DCLK1: variants seen among roughly 807,000 people sequenced by gnomAD.
DCLK1 encodes doublecortin like kinase 1.
Under a neutral mutation model 86.2 loss-of-function variants are expected in DCLK1, and 16 were observed. The ratio of observed to expected loss-of-function variants is 0.19; its 90% CI spans 0.13 to 0.28. DCLK1 has a LOEUF of 0.28. Among genes scored for constraint, DCLK1 ranks in the 10% least tolerant of loss-of-function variants. The pLI, the probability that DCLK1 is intolerant of heterozygous loss-of-function variation, is 1.00. For synonymous variants in DCLK1, 369 were observed against 370.5 expected, an observed-to-expected ratio of 1.00 and a Z score of 0.05; for missense variants, 590 against 940.2, an observed-to-expected ratio of 0.63 and a Z score of 4.87.
intron 7 of DCLK1, 77 bp downstream of exon 7, chr13:35,839,015 A>G: frequency 7.3e-7 from 1 of 1,365,328 alleles, no homozygotes; most frequent in South Asian, 1.3e-5. Context: ...ATTCCGCTTG[A>G]GAAGCCACAG....
intron 1 of DCLK1, among the ~76,000 whole-genome samples, chr13:36,126,833 A>G (rs1886204878): frequency 6.6e-6 from 1 of 152,206 alleles, no homozygotes; most frequent in Admixed American, 6.5e-5. Flanking sequence ...CAATAGACAC[A>G]ACAACTTTCC....
chr13:36,016,084 A>C (rs2153149379), intron 3 of DCLK1, among the ~76,000 whole-genome samples: 1 of 152,310 alleles, frequency 6.6e-6, no homozygotes. Context: ...TTGCCAAGAA[A>C]TACTGATATA....
chr13:35,918,829 T>C (rs1007528593), intron 4 of DCLK1, among the ~76,000 whole-genome samples: 2 of 151,364 alleles, frequency 1.3e-5, no homozygotes, highest in Non-Finnish European at 2.9e-5. Context: ...ACACAAGTGC[T>C]CCTATTTAAT....
chr13:35,889,745 A>G (rs1873522459), intron 4 of DCLK1, among the ~76,000 whole-genome samples: 2 of 152,082 alleles, frequency 1.3e-5, no homozygotes, highest in South Asian at 4.1e-4. Context: ...TATTTTGACA[A>G]ACCTCTCCTA....
chr13:36,097,396 C>G (rs1331675658), intron 3 of DCLK1, among the ~76,000 whole-genome samples: 1 of 152,132 alleles, frequency 6.6e-6, no homozygotes, highest in African/African-American at 2.4e-5. Context: ...AAGCTGTAAT[C>G]ATTTTTTATT....
chr13:35,982,283 G>C (rs768937833), intron 3 of DCLK1, among the ~76,000 whole-genome samples: 2 of 151,960 alleles, frequency 1.3e-5, no homozygotes, highest in Non-Finnish European at 2.9e-5. Context: ...GGGAGGCCGA[G>C]GCAGGAGGAT....
Position 35,769,499 on chromosome 13 carries a change from C to T in DCLK1, c.*5036G>A, listed in dbSNP as rs2086291589. ...AAGTTATCGAGGATATGACTATAACCTTGGACCAGTTTCAATTTCTTTTTA... is the reference window on the plus strand; with the variant it reads ...AAGTTATCGAGGATATGACTATAACTTTGGACCAGTTTCAATTTCTTTTTA... On this transcript the variant is annotated 3_prime_UTR_variant, in exon 17 of 17. Coordinates refer to ENST00000360631, the MANE Select transcript of DCLK1 (RefSeq NM_001330071.2). The T allele has an allele frequency of 6.6e-6, 1 of 151,944 alleles. No individual in the cohort carries two copies. The highest frequency in any genetic ancestry group is 1.5e-5 in the Non-Finnish European group (1 of 67,982). 9.4% of individuals were successfully genotyped at this position (151,944 alleles called of 1,614,324 possible). A position where few individuals can be genotyped will look rare whatever the true frequency, so the allele number is the denominator to read the frequency against.
intron 4 of DCLK1, among the ~76,000 whole-genome samples, chr13:35,918,680 G>A (rs1875579544): frequency 6.6e-6 from 1 of 152,082 alleles, no homozygotes; most frequent in South Asian, 2.1e-4. Flanking sequence ...CCAGGAAATC[G>A]CCTAGCCTTC....
chr13:35,848,027 AT>A (rs1870337877), intron 6 of DCLK1: 1 of 985,190 alleles, frequency 1.0e-6, no homozygotes. Flanking sequence ...GCAGGGAAAT[AT>A]TCCTAATATC....
intron 4 of DCLK1, among the ~76,000 whole-genome samples, chr13:35,940,209 A>G (rs9545845): frequency 0.35 from 50,453 of 142,404 alleles, 11,032 homozygotes; most frequent in African/African-American, 0.6. Flanking sequence ...TGACACAGCA[A>G]GAGTCTGTCT....
At chr13:35,965,517 T>C (rs1239077657) in intron 3 of DCLK1, among the ~76,000 whole-genome samples, 1 of 152,220 alleles carries the variant, frequency 6.6e-6, no homozygotes, top group Non-Finnish European at 1.5e-5. Flanking sequence ...TTAAAAATAT[T>C]TACTTTTTTA....
At chr13:35,922,904 C>G (rs1268483274) in intron 4 of DCLK1, among the ~76,000 whole-genome samples, 1 of 152,146 alleles carries the variant, frequency 6.6e-6, no homozygotes, top group African/African-American at 2.4e-5. Context: ...CACCTGGAAG[C>G]CTGTCTCAGC....
intron 16 of DCLK1, among the ~76,000 whole-genome samples, chr13:35,782,201 C>A (rs557240568): frequency 6.6e-6 from 1 of 152,128 alleles, no homozygotes; most frequent in Non-Finnish European, 1.5e-5. Flanking sequence ...CTCCTGCTGA[C>A]CTGGTTCTTA....
At chr13:35,896,279 T>G (rs1357109911) in intron 4 of DCLK1, among the ~76,000 whole-genome samples, 2 of 152,016 alleles carry the variant, frequency 1.3e-5, no homozygotes, top group African/African-American at 4.8e-5. Context: ...TGGCTCACAC[T>G]TGTAATCCTA....
At chr13:35,887,400 A>G (rs1322425161) in intron 4 of DCLK1, among the ~76,000 whole-genome samples, 1 of 152,198 alleles carries the variant, frequency 6.6e-6, no homozygotes, top group African/African-American at 2.4e-5. Flanking sequence ...ACCAGCCAAC[A>G]TATCTGCCAT....
intron 2 of DCLK1, among the ~76,000 whole-genome samples, chr13:36,113,006 G>T (rs1271885824): frequency 6.6e-6 from 1 of 152,148 alleles, no homozygotes; most frequent in African/African-American, 2.4e-5. Context: ...ACAACAAATT[G>T]TAAAATGACG....
chr13:35,850,790 G>A (rs1303562015), intron 6 of DCLK1: 14 of 1,582,676 alleles, frequency 8.8e-6, no homozygotes, highest in Non-Finnish European at 1.2e-5. Flanking sequence ...CAAGATGAAG[G>A]GCAGTATAGA....
At chr13:35,967,396 G>A (rs1208297677) in intron 3 of DCLK1, among the ~76,000 whole-genome samples, 7 of 152,254 alleles carry the variant, frequency 4.6e-5, no homozygotes, top group Admixed American at 4.6e-4. Context: ...AGGGGGAAAT[G>A]TGGGGAAAAG....
intron 10 of DCLK1, 132 bp from the exon 11 acceptor site, chr13:35,823,007 T>C: frequency 9.1e-7 from 1 of 1,097,274 alleles, no homozygotes. Flanking sequence ...AGGCTTTTCC[T>C]GCTACTTTCC....
Sources: gnomAD v4.1 joint callset for allele counts (sites outside exome capture counted in the v4.1 genomes callset) on GRCh38, gnomAD v4.1.1 for gene constraint, MANE v1.5 for transcripts, NCBI Gene and HGNC (gene_info 2026-07-23, HGNC 2026-07-21) for gene names.